Variants in SLC16A12 observed in about 807,000 individuals in gnomAD.
SLC16A12 encodes the protein monocarboxylate transporter 12.
Under a neutral mutation model 42.4 loss-of-function variants are expected in SLC16A12, and 17 were observed. The ratio of observed to expected loss-of-function variants is 0.40; its 90% CI spans 0.27 to 0.60. SLC16A12 has a LOEUF of 0.60. Ranked by LOEUF, SLC16A12 falls within the 20% of genes least tolerant of loss-of-function variation. The pLI is 0.42. For synonymous variants in SLC16A12, 224 were observed against 229.4 expected (o/e 0.98, Z 0.21); for missense variants, 544 against 623.0 (o/e 0.87, Z 1.35).
At chr10:89,519,297 G>C (rs996189577) in intron 2 of SLC16A12, among the ~76,000 whole-genome samples, 1 of 148,076 alleles carries the variant, frequency 6.8e-6, no homozygotes, top group Admixed American at 6.8e-5. Flanking sequence ...TGAATCATTT[G>C]TACACGAAAC....
chr10:89,500,511 T>C (rs944133828), intron 2 of SLC16A12, among the ~76,000 whole-genome samples: 3 of 152,252 alleles, frequency 2.0e-5, no homozygotes, highest in Non-Finnish European at 2.9e-5. Flanking sequence ...CCAATAAATG[T>C]GATACACCGC....
rs147234370 is a variant in SLC16A12 at position 89,487,964 on chromosome 10, G to GTATATATA, written c.-46-25348_-46-25341dup. Among the ~76,000 whole-genome samples the GTATATATA allele has an allele frequency of 1.1e-3, 136 of 126,680 alleles. 1 individual carries two copies. Among genetic ancestry groups the GTATATATA allele is most frequent in the Admixed American group, 1.5e-3 (18 of 12,002 alleles). 83.1% of individuals were successfully genotyped at this position (126,680 alleles called of 152,430 possible). A position where few individuals can be genotyped will look rare whatever the true frequency, so the allele number is the denominator to read the frequency against. On this transcript the variant is annotated intron_variant, in intron 2 of 7. Coordinates refer to ENST00000371790, the MANE Select transcript of SLC16A12 (RefSeq NM_213606.4). ...TGGATAAAGAAAATGTGGTGTGTGT[G>GTATATATA]TATATATATATATATATATATATAT...
At chr10:89,513,501 T>A (rs1030896291) in intron 2 of SLC16A12, among the ~76,000 whole-genome samples, 1 of 152,212 alleles carries the variant, frequency 6.6e-6, no homozygotes, top group Non-Finnish European at 1.5e-5. Context: ...TTAGAGAATA[T>A]CATATTTCCT....
At chr10:89,501,756 TA>T (rs1434817413) in intron 2 of SLC16A12, among the ~76,000 whole-genome samples, 1 of 151,760 alleles carries the variant, frequency 6.6e-6, no homozygotes, top group Admixed American at 6.6e-5. Flanking sequence ...ATCTCAAAAA[TA>T]ATAATAATAA....
At chr10:89,555,385 T>C (rs1327887802) in intron 2 of SLC16A12, among the ~76,000 whole-genome samples, 1 of 151,278 alleles carries the variant, frequency 6.6e-6, no homozygotes, top group Non-Finnish European at 1.5e-5. Flanking sequence ...TGTTTTGTTG[T>C]TTAAACTTTC....
At chr10:89,531,799 G>C (rs1843559999) in intron 2 of SLC16A12, among the ~76,000 whole-genome samples, 1 of 152,174 alleles carries the variant, frequency 6.6e-6, no homozygotes. Flanking sequence ...CTCTATAAAA[G>C]CTTTACCGTG....
chr10:89,458,203 A>G (rs923865845), intron 3 of SLC16A12, among the ~76,000 whole-genome samples: 2 of 152,208 alleles, frequency 1.3e-5, no homozygotes, highest in Non-Finnish European at 2.9e-5. Context: ...CTCCTCCAGT[A>G]TCATCGCCAA....
intron 2 of SLC16A12, among the ~76,000 whole-genome samples, chr10:89,507,557 T>C (rs1319989839): frequency 6.6e-6 from 1 of 152,008 alleles, no homozygotes; most frequent in African/African-American, 2.4e-5. Flanking sequence ...CCTGCCATAA[T>C]TACAAGAGCT....
At chr10:89,552,524 A>C (rs1843776904) in intron 2 of SLC16A12, among the ~76,000 whole-genome samples, 2 of 152,154 alleles carry the variant, frequency 1.3e-5, no homozygotes, top group African/African-American at 4.8e-5. Flanking sequence ...ATTGAGGTGG[A>C]CGTGTGAGAG....
chr10:89,439,225 A>C (rs761105286), intron 5 of SLC16A12, 42 bp from the exon 6 acceptor site: 25 of 1,553,258 alleles, frequency 1.6e-5, no homozygotes, highest in African/African-American at 1.4e-5. Context: ...AGTACCATAA[A>C]CAGCCAATGA....
At position 89,505,799 on chromosome 10, in the gene SLC16A12, A is replaced by T. The variant is rs143911322; in HGVS notation, c.-47+28702T>A. On this transcript the variant is annotated intron_variant, in intron 2 of 7. Coordinates refer to ENST00000371790, the MANE Select transcript of SLC16A12 (RefSeq NM_213606.4). ...TCTGGTGCCTGGCTCAGCAGGTTCC[A>T]CGCCCACAGAGCCTAGCAAACTAAG... 3.3e-5 allele frequency among the ~76,000 whole-genome samples: 5 copies of T among 152,302 alleles called. No homozygotes were observed. The East Asian group carries it at 9.7e-4, about 29-fold the overall frequency.
chr10:89,436,914 A>AAGAAAGAGAAAG (rs796398100), intron 6 of SLC16A12, among the ~76,000 whole-genome samples: 84 of 136,562 alleles, frequency 6.2e-4, no homozygotes, highest in Admixed American at 1.0e-3. Flanking sequence ...GAAAGAAAGA[A>AAGAAAGAGAAAG]AAAGAAAGAG....
chr10:89,465,980 C>T (rs912525695), intron 2 of SLC16A12, among the ~76,000 whole-genome samples: 2 of 152,166 alleles, frequency 1.3e-5, no homozygotes, highest in Admixed American at 6.5e-5. Flanking sequence ...GGATCTATAG[C>T]AGCCACTTCT....
chr10:89,545,632 C>A (rs1186401679), intron 2 of SLC16A12, among the ~76,000 whole-genome samples: 1 of 152,212 alleles, frequency 6.6e-6, no homozygotes, highest in East Asian at 1.9e-4. Context: ...AATGGCCATA[C>A]TGCCCAAAGT....
chr10:89,475,260 C>G (rs1192976247), intron 2 of SLC16A12, among the ~76,000 whole-genome samples: 4 of 152,122 alleles, frequency 2.6e-5, no homozygotes, highest in Non-Finnish European at 5.9e-5. Context: ...TTCTGCACAG[C>G]CTTTACAGCA....
chr10:89,541,440 T>C (rs1016894038), intron 2 of SLC16A12, among the ~76,000 whole-genome samples: 11 of 151,956 alleles, frequency 7.2e-5, no homozygotes, highest in African/African-American at 2.7e-4. Context: ...ACAAAAAAAT[T>C]TTAAAAATTA....
At chr10:89,473,260 C>T (rs899831850) in intron 2 of SLC16A12, among the ~76,000 whole-genome samples, 4 of 152,060 alleles carry the variant, frequency 2.6e-5, no homozygotes, top group African/African-American at 9.7e-5. Flanking sequence ...GATTTCAAGA[C>T]TTGTTCTAAA....
At chr10:89,508,632 T>C (rs1843109330) in intron 2 of SLC16A12, among the ~76,000 whole-genome samples, 1 of 152,056 alleles carries the variant, frequency 6.6e-6, no homozygotes, top group Non-Finnish European at 1.5e-5. Flanking sequence ...GCAGGAAAGA[T>C]CTAAAATCGA....
rs1285916193 is a variant in SLC16A12 at position 89,436,154 on chromosome 10, G to C, written c.1194C>G (p.Thr398=). The C allele has an allele frequency of 6.2e-6, 10 of 1,614,044 alleles. No individual in the cohort carries two copies. The highest frequency in any genetic ancestry group is 3.3e-5 in the Admixed American group (2 of 59,990). The part of the protein sequence containing the change: ...GAYVTLIPVV[T]TEIVGTTSLS... ...AAGAGGTGGTCCCCACTATCTCTGT[G>C]GTCACTACTGGGATCAAAGTCACAT... The change falls in exon 7 of 8, where the codon ACC becomes ACG. Residue 398 remains threonine (T), a synonymous_variant. Coordinates refer to ENST00000371790, the MANE Select transcript of SLC16A12 (RefSeq NM_213606.4).
Sources: gnomAD v4.1 joint callset for allele counts (sites outside exome capture counted in the v4.1 genomes callset) on GRCh38, gnomAD v4.1.1 for gene constraint, MANE v1.5 for transcripts, NCBI Gene and HGNC (gene_info 2026-07-23, HGNC 2026-07-21) for gene names.